GNAI2: variants seen among roughly 807,000 people sequenced by gnomAD.
The protein encoded by GNAI2 is guanine nucleotide-binding protein G(i) subunit alpha-2.
GNAI2 carries 4 observed loss-of-function variants against 36.8 expected under a neutral mutation model. The observed-to-expected ratio is 0.11, with a 90% CI of 0.05 to 0.25. GNAI2 has a LOEUF of 0.25. Among genes scored for constraint, GNAI2 ranks in the 10% least tolerant of loss-of-function variants. The pLI, the probability that GNAI2 is intolerant of heterozygous loss-of-function variation, is 1.00. For synonymous variants in GNAI2, 194 were observed against 194.1 expected, an observed-to-expected ratio of 1.00 and a Z score of 0.01; for missense variants, 230 against 481.3, an observed-to-expected ratio of 0.48 and a Z score of 4.89.
intron 1 of GNAI2, among the ~76,000 whole-genome samples, chr3:50,244,030 T>C (rs1700358914): frequency 1.4e-5 from 2 of 147,788 alleles, no homozygotes; most frequent in Non-Finnish European, 3.0e-5. Flanking sequence ...CACTCCTTTT[T>C]TTTTTTTTTT....
chr3:50,258,040 G>A (rs2109222869), intron 8 of GNAI2: 1 of 220,034 alleles, frequency 4.5e-6, no homozygotes, highest in East Asian at 9.6e-5. Flanking sequence ...GGCCCAGCCT[G>A]CCGGAAGCTG....
Position 50,254,326 on chromosome 3 carries a change from A to C in GNAI2, c.464+1142A>C, listed in dbSNP as rs1309595020. ...AGATAGGCTGCTGTCCCTGTACTCTAGCCTTCCCCTATCTCTGCTTAAGCC... is the reference window on the plus strand; with the variant it reads ...AGATAGGCTGCTGTCCCTGTACTCTCGCCTTCCCCTATCTCTGCTTAAGCC... On this transcript the variant is annotated intron_variant, in intron 4 of 8. Transcript: ENST00000313601. 2.6e-5 allele frequency among the ~76,000 whole-genome samples: 4 copies of C among 152,122 alleles called. No individual in the cohort carries two copies. The East Asian group carries it at 7.7e-4, about 29-fold the overall frequency.
chr3:50,236,480 C>A lies in GNAI2; in HGVS notation c.118+27C>A. ...TGAGGCCGCGTCCCGCACTGGGATC[C>A]TTGATTCCCAGCTCGAATCCCCAGA... On this transcript the variant is annotated intron_variant, in intron 1 of 8. Coordinates refer to ENST00000313601, the MANE Select transcript of GNAI2 (RefSeq NM_002070.4). The surrounding 1 kb of genome is among the most constrained non-coding windows in gnomAD (Gnocchi z 4.0). 6.4e-7 allele frequency: 1 copy of A among 1,561,872 alleles called. No homozygotes were observed. The highest frequency in any genetic ancestry group is 8.6e-7 in the Non-Finnish European group (1 of 1,159,160).
rs992649538 is a variant in GNAI2, at chr3:50,242,158, T to C, written c.118+5705T>C. 6.6e-6 allele frequency among the ~76,000 whole-genome samples: 1 copy of C among 152,130 alleles called. No homozygotes were observed. The highest frequency in any genetic ancestry group is 1.5e-5 in the Non-Finnish European group (1 of 67,990). ...CGGGAACAGGATGGAGGAAGCTTTGTCCACCCAAGCTCTTAGCCACTGAGG... is the reference window on the plus strand; with the variant it reads ...CGGGAACAGGATGGAGGAAGCTTTGCCCACCCAAGCTCTTAGCCACTGAGG... On this transcript the variant is annotated intron_variant, in intron 1 of 8. Coordinates refer to ENST00000313601, the MANE Select transcript of GNAI2 (RefSeq NM_002070.4). The surrounding 1 kb of genome is among the most constrained non-coding windows in gnomAD (Gnocchi z 4.8).
chr3:50,256,213 T>A lies in GNAI2; in HGVS notation c.486T>A (p.Arg162=), dbSNP rs782436372. 5.8e-5 allele frequency: 62 copies of A among 1,062,538 alleles called. No homozygotes were observed. The highest frequency in any genetic ancestry group is 8.2e-5 in the Non-Finnish European group (62 of 757,892). The allele number at this position is 1,062,538 out of a possible 1,614,324, so 65.8% of individuals were successfully genotyped here. ...CCAGCTACCTGAACGACCTGGAGCG[T>A]ATTGCACAGAGTGACTACATCCCCA... The part of the protein sequence containing the change: ...SAAYYLNDLE[R]IAQSDYIPTQ... The change falls in exon 5 of 9, where the codon CGT becomes CGA. Residue 162 remains arginine (R), a synonymous_variant. Coordinates refer to ENST00000313601, the MANE Select transcript of GNAI2 (RefSeq NM_002070.4).
upstream of GNAI2, among the ~76,000 whole-genome samples, chr3:50,232,498 A>C (rs995785548): frequency 6.6e-6 from 1 of 152,364 alleles, no homozygotes; most frequent in Middle Eastern, 3.4e-3. Context: ...ACCGAGGTAC[A>C]GGGAGTTTCT....
chr3:50,233,526 C>T (rs192734796), upstream of GNAI2, among the ~76,000 whole-genome samples: 2 of 152,322 alleles, frequency 1.3e-5, no homozygotes, highest in South Asian at 2.1e-4. Flanking sequence ...GTAGTCTGTG[C>T]GTGGACAGAT....
intron 1 of GNAI2, among the ~76,000 whole-genome samples, chr3:50,247,349 G>A (rs1700449446): frequency 6.6e-6 from 1 of 152,226 alleles, no homozygotes; most frequent in Non-Finnish European, 1.5e-5. Flanking sequence ...AAAATGGGAG[G>A]CAGGCTGGCT....
In GNAI2 at chr3:50,252,332, C is replaced by T; in HGVS notation, c.162-65C>T. ...CTTCTCTGAAGCAGGTCCCAGTAGC[C>T]CCAGGCAGCCGTGGGAACTCCCAGT... On this transcript the variant is annotated intron_variant, in intron 2 of 8. Transcript: ENST00000313601. This position sits in a 1 kb window ranked among gnomAD's most constrained non-coding sequence, Gnocchi z 4.1. The T allele has an allele frequency of 6.4e-7, 1 of 1,567,232 alleles. No individual in the cohort carries two copies. The highest frequency in any genetic ancestry group is 1.1e-5 in the South Asian group (1 of 89,900).
chr3:50,243,817 GCTGGCTGGAAGTAACGGAT>G (rs1156956143), intron 1 of GNAI2, among the ~76,000 whole-genome samples: 3 of 152,152 alleles, frequency 2.0e-5, no homozygotes, highest in Non-Finnish European at 4.4e-5. Flanking sequence ...GGGAGTCTGT[GCTGGCTGGAAGTAACGGAT>G]CAGGCAGGAC....
At chr3:50,251,583 C>T (rs1553702444) in intron 1 of GNAI2, 3 of 1,220,676 alleles carry the variant, frequency 2.5e-6, no homozygotes, top group South Asian at 2.8e-5. Flanking sequence ...TGGGCCATGT[C>T]CAGAAAGCTG....
At chr3:50,256,910 G>T in intron 6 of GNAI2, 27 bp from the exon 7 acceptor site, 1 of 1,613,874 alleles carries the variant, frequency 6.2e-7, no homozygotes, top group Non-Finnish European at 8.5e-7. Context: ...GTGGTGGCTA[G>T]CGTTGACCTT....
At chr3:50,256,426 G>A in intron 5 of GNAI2, 106 bp downstream of exon 5, 1 of 1,087,300 alleles carries the variant, frequency 9.2e-7, no homozygotes. Context: ...GGTTTTACAA[G>A]GCTCATGTGT....
chr3:50,240,974 G>T (rs1575442104), intron 1 of GNAI2, among the ~76,000 whole-genome samples: 1 of 151,700 alleles, frequency 6.6e-6, no homozygotes, highest in Non-Finnish European at 1.5e-5. Flanking sequence ...CCACTGCTGA[G>T]AGTTTGGTGG....
chr3:50,239,294 C>T lies in GNAI2; in HGVS notation c.118+2841C>T, dbSNP rs140696263. Among the ~76,000 whole-genome samples the T allele has an allele frequency of 5.7e-3, 872 of 152,296 alleles. 7 individuals are homozygous for T. The highest frequency in any genetic ancestry group is 0.02 in the African/African-American group (820 of 41,556). On this transcript the variant is annotated intron_variant, in intron 1 of 8. Transcript: ENST00000313601. Reference sequence around the variant, plus strand: ...TGTAAACAGAGCAGTTCTCTCTTGCCCCTGGAACTTTGTGTGTGTTGTTCC... The same window carrying T: ...TGTAAACAGAGCAGTTCTCTCTTGCTCCTGGAACTTTGTGTGTGTTGTTCC...
upstream of GNAI2, among the ~76,000 whole-genome samples, chr3:50,234,200 G>A (rs1700119267): frequency 6.6e-6 from 1 of 150,702 alleles, no homozygotes; most frequent in Non-Finnish European, 1.5e-5. Context: ...CTGAGTAGCT[G>A]GTACTACAGG....
chr3:50,246,438 G>C (rs1269752853), intron 1 of GNAI2, among the ~76,000 whole-genome samples: 7 of 152,246 alleles, frequency 4.6e-5, no homozygotes, highest in African/African-American at 1.7e-4. Flanking sequence ...GAGAACCACA[G>C]GCTGAGCTGG....
rs1057418141 is a variant in GNAI2, at chr3:50,246,849, T to C, written c.119-5251T>C. On this transcript the variant is annotated intron_variant, in intron 1 of 8. Transcript: ENST00000313601. Reference sequence around the variant, plus strand: ...CCAGCTGTGTAGGAGTGCCGGGTTATACTGAAGGGAAGTGACGACACAGCG... The same window carrying C: ...CCAGCTGTGTAGGAGTGCCGGGTTACACTGAAGGGAAGTGACGACACAGCG... 34 of 1,376,610 alleles carry C rather than the reference T, an allele frequency of 2.5e-5. No homozygotes were observed. The East Asian group carries it at 8.5e-4, about 34-fold the overall frequency. The allele number at this position is 1,376,610 out of a possible 1,614,324, so 85.3% of individuals were successfully genotyped here.
intron 1 of GNAI2, among the ~76,000 whole-genome samples, chr3:50,249,673 A>G (rs1575449275): frequency 6.6e-6 from 1 of 152,210 alleles, no homozygotes; most frequent in Non-Finnish European, 1.5e-5. Context: ...ATTCCAGAAC[A>G]TAATCACCAC....
Sources: allele counts gnomAD v4.1 joint callset (sites outside exome capture counted in the v4.1 genomes callset), GRCh38; gene constraint gnomAD v4.1.1; non-coding constraint Gnocchi (gnomAD v3.1); transcripts MANE v1.5; gene names NCBI Gene and HGNC (gene_info 2026-07-23, HGNC 2026-07-21).